Variants in UBE2V2 observed in about 807,000 individuals in gnomAD.
UBE2V2 encodes ubiquitin-conjugating enzyme E2 variant 2.
Under a neutral mutation model 17.2 loss-of-function variants are expected in UBE2V2, and 9 were observed. The ratio of observed to expected loss-of-function variants is 0.52; its 90% CI spans 0.32 to 0.91. UBE2V2 has a LOEUF of 0.91. Ranked by LOEUF, UBE2V2 falls within the 40% of genes least tolerant of loss-of-function variation. The pLI, the probability that UBE2V2 is intolerant of heterozygous loss-of-function variation, is 0.04. For missense variants in UBE2V2, 133 were observed against 182.6 expected (o/e 0.73, Z 1.56); for synonymous variants, 61 against 57.5 (o/e 1.06, Z -0.28).
At chr8:48,017,484 C>T (rs1365712006) in intron 1 of UBE2V2, among the ~76,000 whole-genome samples, 1 of 151,736 alleles carries the variant, frequency 6.6e-6, no homozygotes, top group East Asian at 2.0e-4. Context: ...AGGGATTCTC[C>T]TGCTTCAGCC....
At position 48,035,948 on chromosome 8, in the gene UBE2V2, CT is replaced by C. The variant is rs780718248; in HGVS notation, c.17-7065del. Among the ~76,000 whole-genome samples the C allele has an allele frequency of 9.5e-3, 1,162 of 121,694 alleles. 7 individuals are homozygous for C. Among genetic ancestry groups the C allele is most frequent in the African/African-American group, 0.032 (1,035 of 32,334 alleles). The allele number at this position is 121,694 out of a possible 152,430, so 79.8% of individuals were successfully genotyped here. ...TTATTACTTTTCTCCCCTTGCCTTT[CT>C]TTTTTTTTTTTTTTTTTTTGAGACC... On this transcript the variant is annotated intron_variant, in intron 1 of 3. Transcript: ENST00000523111.
chr8:48,035,365 C>T (rs1486638321), intron 1 of UBE2V2, among the ~76,000 whole-genome samples: 1 of 151,814 alleles, frequency 6.6e-6, no homozygotes, highest in Non-Finnish European at 1.5e-5. Context: ...AGGTGATATA[C>T]CCACCTTGGC....
intron 3 of UBE2V2, among the ~76,000 whole-genome samples, chr8:48,050,999 A>G (rs1386053824): frequency 6.6e-6 from 1 of 152,128 alleles, no homozygotes; most frequent in African/African-American, 2.4e-5. Context: ...GGCACATGCC[A>G]CCAAGCCCAT....
At chr8:48,032,766 A>G (rs1312993299) in intron 1 of UBE2V2, among the ~76,000 whole-genome samples, 1 of 152,150 alleles carries the variant, frequency 6.6e-6, no homozygotes, top group African/African-American at 2.4e-5. Context: ...ACACCCCAGC[A>G]TATGCTTTGA....
intron 1 of UBE2V2, among the ~76,000 whole-genome samples, chr8:48,013,081 A>T (rs985230954): frequency 7.9e-5 from 12 of 152,046 alleles, no homozygotes; most frequent in Non-Finnish European, 1.8e-4. Flanking sequence ...TCCTGGCCTC[A>T]TGATCCGCCC....
Position 48,064,626 on chromosome 8 carries a change from T to C in UBE2V2, c.*3798T>C, listed in dbSNP as rs187085224. 5.9e-5 allele frequency: 9 copies of C among 152,114 alleles called. No individual in the cohort carries two copies. In the East Asian group the frequency reaches 1.7e-3, roughly 29 times the overall value. The allele number at this position is 152,114 out of a possible 1,614,324, so 9.4% of individuals were successfully genotyped here. A position where few individuals can be genotyped will look rare whatever the true frequency, so the allele number is the denominator to read the frequency against. On this transcript the variant is annotated 3_prime_UTR_variant, in exon 4 of 4. Coordinates refer to ENST00000523111, the MANE Select transcript of UBE2V2 (RefSeq NM_003350.3). ...CAATAAGTATTTTCTGAAGAGAAAA[T>C]TAATGAAGGTATTTAATGATATAGG...
upstream of UBE2V2, among the ~76,000 whole-genome samples, chr8:48,004,689 C>T (rs535683917): frequency 2.6e-5 from 4 of 151,962 alleles, no homozygotes; most frequent in Non-Finnish European, 5.9e-5. Flanking sequence ...CGCCACCATA[C>T]CTGGCTAATT....
At chr8:48,036,815 G>T (rs1182072937) in intron 1 of UBE2V2, among the ~76,000 whole-genome samples, 1 of 152,104 alleles carries the variant, frequency 6.6e-6, no homozygotes, top group Non-Finnish European at 1.5e-5. Context: ...TTCATTGTGT[G>T]CATAGAATGT....
chr8:47,998,724 G>A, the UBE2V2 span, among the ~76,000 whole-genome samples: 2 of 151,682 alleles, frequency 1.3e-5, no homozygotes, highest in African/African-American at 4.8e-5. Flanking sequence ...GACAGAGAGC[G>A]AGAGCCGGCC....
At chr8:48,057,220 G>A (rs1027405562) in intron 3 of UBE2V2, among the ~76,000 whole-genome samples, 1 of 152,166 alleles carries the variant, frequency 6.6e-6, no homozygotes, top group Non-Finnish European at 1.5e-5. Context: ...CATCTTCACA[G>A]TAATAAGTCT....
At chr8:48,003,435 A>C (rs2154506380), upstream of UBE2V2, among the ~76,000 whole-genome samples, 1 of 152,164 alleles carries the variant, frequency 6.6e-6, no homozygotes, top group East Asian at 1.9e-4. Context: ...CAGGAGAAAG[A>C]AGCCCAGTTC....
intron 1 of UBE2V2, among the ~76,000 whole-genome samples, chr8:48,027,914 C>T (rs192086791): frequency 2.8e-4 from 42 of 151,782 alleles, no homozygotes; most frequent in African/African-American, 8.9e-4. Flanking sequence ...AGTGCAATGG[C>T]GCGGTCTTGG....
intron 1 of UBE2V2, among the ~76,000 whole-genome samples, chr8:48,033,718 G>A (rs2091400398): frequency 6.6e-6 from 1 of 151,924 alleles, no homozygotes; most frequent in African/African-American, 2.4e-5. Flanking sequence ...AGCACTTTGG[G>A]AGGCCGAGGC....
chr8:48,027,879 G>A (rs1424341607), intron 1 of UBE2V2, among the ~76,000 whole-genome samples: 2 of 151,638 alleles, frequency 1.3e-5, no homozygotes, highest in Non-Finnish European at 2.9e-5. Context: ...TTTTTGAGAC[G>A]GAGTCTCGCT....
chr8:48,054,714 G>A (rs778125061), intron 3 of UBE2V2, among the ~76,000 whole-genome samples: 3 of 152,122 alleles, frequency 2.0e-5, no homozygotes, highest in Admixed American at 6.6e-5. Context: ...TAGTTTATAC[G>A]TATTTAATAC....
chr8:48,037,926 C>T (rs560735472), intron 1 of UBE2V2, among the ~76,000 whole-genome samples: 1 of 152,220 alleles, frequency 6.6e-6, no homozygotes, highest in South Asian at 2.1e-4. Context: ...TGCTTAAAAC[C>T]CCTCCCTGAA....
In UBE2V2 at chr8:48,008,484, C is replaced by T. The variant is rs762678144; in HGVS notation, c.16+14C>T. 1.9e-6 allele frequency: 3 copies of T among 1,567,040 alleles called. No homozygotes were observed. The highest frequency in any genetic ancestry group is 3.7e-5 in the Admixed American group (2 of 54,080). ...CGGTCTCCACAGGTCGGTTCCCGGG[C>T]CGGGCTGCGTGATTTTCCGCTCCGA... On this transcript the variant is annotated intron_variant, in intron 1 of 3. Transcript: ENST00000523111.
intron 1 of UBE2V2, among the ~76,000 whole-genome samples, chr8:48,025,459 T>C (rs2091335623): frequency 6.6e-6 from 1 of 150,662 alleles, no homozygotes; most frequent in South Asian, 2.1e-4. Context: ...TGTATTTTAG[T>C]AGAGAAAAGG....
chr8:48,002,183 T>C, the UBE2V2 span, among the ~76,000 whole-genome samples: 2 of 152,172 alleles, frequency 1.3e-5, no homozygotes, highest in African/African-American at 2.4e-5. Flanking sequence ...CCTCTTAACA[T>C]TGTTGCATTG....
Sources: gnomAD v4.1 joint callset for allele counts (sites outside exome capture counted in the v4.1 genomes callset) on GRCh38, gnomAD v4.1.1 for gene constraint, MANE v1.5 for transcripts, NCBI Gene and HGNC (gene_info 2026-07-23, HGNC 2026-07-21) for gene names.